Variants in CDHR1 observed in about 807,000 individuals in gnomAD.
CDHR1 encodes the protein cadherin related family member 1, also known as cadherin-related family member 1.
CDHR1 carries 61 observed loss-of-function variants against 72.1 expected under a neutral mutation model. The observed-to-expected ratio is 0.85, with a 90% confidence interval of 0.69 to 1.05. CDHR1 has a LOEUF of 1.05. Among genes scored for constraint, CDHR1 ranks in the 50% least tolerant of loss-of-function variants. The pLI, the probability that CDHR1 is intolerant of heterozygous loss-of-function variation, is 0.00. For synonymous variants in CDHR1, 470 were observed against 448.1 expected, an observed-to-expected ratio of 1.05 and a Z score of -0.62; for missense variants, 1,186 against 1,115.7, an observed-to-expected ratio of 1.06 and a Z score of -0.90.
intron 16 of CDHR1, 92 bp downstream of exon 16, chr10:84,213,440 G>T: frequency 6.5e-7 from 1 of 1,545,434 alleles, no homozygotes; most frequent in East Asian, 2.2e-5. Context: ...CCATCTCCAG[G>T]CTTCCTCCAA....
Position 84,217,190 on chromosome 10 carries a change from G to T in CDHR1, c.*2569G>T, listed in dbSNP as rs1388121062. ...CCAAGTCCCTGTGTTACGAATGGTG[G>T]GCCAAGGGGCTGTCTGCTAGGTCCC... is the stretch of plus-strand genomic sequence containing the variant. On this transcript the variant is annotated 3_prime_UTR_variant, in exon 17 of 17. Transcript: ENST00000623527. The T allele has an allele frequency of 3.0e-6, 3 of 985,384 alleles. No homozygotes were observed. Among genetic ancestry groups the T allele is most frequent in the Admixed American group, 1.2e-4 (2 of 16,266 alleles). 61.0% of individuals were successfully genotyped at this position (985,384 alleles called of 1,614,324 possible).
rs768949250 is a variant in CDHR1 at position 84,204,501 on chromosome 10, GCAGCGGCTGT to G, written c.784-25_784-16del. On this transcript the variant is annotated splice_polypyrimidine_tract_variant and intron_variant, in intron 8 of 16. Transcript: ENST00000623527. Reference sequence around the variant, plus strand: ...GGAGGGTCCCCATATTGCCCATCAGGCAGCGGCTGTTCCTGTTTCCCCGAGGGCTCGGAGG... The same window carrying G: ...GGAGGGTCCCCATATTGCCCATCAGGTCCTGTTTCCCCGAGGGCTCGGAGG... 6.4e-7 allele frequency: 1 copy of G among 1,551,336 alleles called. No individual in the cohort carries two copies. The highest frequency in any genetic ancestry group is 2.2e-5 in the East Asian group (1 of 44,582).
intron 16 of CDHR1, 136 bp downstream of exon 16, chr10:84,213,484 C>G: frequency 8.6e-7 from 1 of 1,156,218 alleles, no homozygotes; most frequent in Non-Finnish European, 1.3e-6. Context: ...CAGCCTGTGC[C>G]ATCAAACACA....
Position 84,214,402 on chromosome 10 carries a change from G to A in CDHR1, c.2361G>A (p.Leu787=), listed in dbSNP as rs1400213497. 1.2e-6 allele frequency: 2 copies of A among 1,613,704 alleles called. No individual in the cohort carries two copies. The highest frequency in any genetic ancestry group is 1.7e-6 in the Non-Finnish European group (2 of 1,180,036). Reference sequence around the variant, plus strand: ...ACAACAACAGCCCAGAAAGCTCTCTGCTCCCGAGAGCTCCGGCTCTCCCTC... The same window carrying A: ...ACAACAACAGCCCAGAAAGCTCTCTACTCCCGAGAGCTCCGGCTCTCCCTC... ...NCNNNSPESS[L]LPRAPALPPP... is the part of the protein sequence containing the mutation. The change falls in exon 17 of 17, where the codon CTG becomes CTA. Residue 787 remains leucine (L), a synonymous_variant. Transcript: ENST00000623527.
intron 8 of CDHR1, among the ~76,000 whole-genome samples, chr10:84,203,421 C>CT (rs376420240): frequency 0.012 from 1,806 of 148,016 alleles, 39 homozygotes; most frequent in African/African-American, 0.041. Flanking sequence ...TTATTCTTGA[C>CT]TTTTTTTTTT....
Position 84,214,580 on chromosome 10 carries a change from A to G in CDHR1, c.2539A>G (p.Lys847Glu). The G allele has an allele frequency of 6.2e-7, 1 of 1,600,104 alleles. No homozygotes were observed. Among genetic ancestry groups the G allele is most frequent in the Non-Finnish European group, 8.5e-7 (1 of 1,179,920 alleles). The change falls in exon 17 of 17, where the codon AAG (lysine) becomes GAG (glutamate). Residue 847 changes from lysine to glutamate, a missense_variant. Physicochemically the swap from Lys to Glu is moderately conservative, Grantham distance 56. Transcript: ENST00000623527. Reference sequence around the variant, plus strand: ...AACTCTGATCTCTGAGCTCAAGCAAAAGTTTGAGAAGAAGAGTGTGCACAA... The same window carrying G: ...AACTCTGATCTCTGAGCTCAAGCAAGAGTTTGAGAAGAAGAGTGTGCACAA... ...QSTLISELKQ[K>E]FEKKSVHNKA...
chr10:84,214,408 G>C lies in CDHR1; in HGVS notation c.2367G>C (p.Pro789=). 1.2e-6 allele frequency: 2 copies of C among 1,613,708 alleles called. No homozygotes were observed. The highest frequency in any genetic ancestry group is 8.5e-7 in the Non-Finnish European group (1 of 1,180,016). The change falls in exon 17 of 17, where the codon CCG becomes CCC. Residue 789 remains proline (P), a synonymous_variant. Coordinates refer to ENST00000623527, the MANE Select transcript of CDHR1 (RefSeq NM_033100.4). ...NNNSPESSLL[P]RAPALPPPPS... ...ACAGCCCAGAAAGCTCTCTGCTCCC[G>C]AGAGCTCCGGCTCTCCCTCCACCAC...
chr10:84,209,453 A>G lies in CDHR1; in HGVS notation c.1320+572A>G, dbSNP rs1014253337. On this transcript the variant is annotated intron_variant, in intron 12 of 16. Coordinates refer to ENST00000623527, the MANE Select transcript of CDHR1 (RefSeq NM_033100.4). Reference sequence around the variant, plus strand: ...AAAAGTGAAATACTATTATAAAAGCAATCCATGAAATTAGGAACAAAGCAT... The same window carrying G: ...AAAAGTGAAATACTATTATAAAAGCGATCCATGAAATTAGGAACAAAGCAT... 2.0e-5 allele frequency among the ~76,000 whole-genome samples: 3 copies of G among 152,206 alleles called. 1 individual carries two copies. The highest frequency in any genetic ancestry group is 2.0e-4 in the Admixed American group (3 of 15,282).
chr10:84,202,870 G>A, intron 7 of CDHR1, 110 bp from the exon 8 acceptor site: 1 of 1,187,922 alleles, frequency 8.4e-7, no homozygotes, highest in South Asian at 1.3e-5. Context: ...ACTTGGAGAG[G>A]ACAGCTGGCC....
chr10:84,203,905 G>T (rs1395022075), intron 8 of CDHR1, among the ~76,000 whole-genome samples: 1 of 152,136 alleles, frequency 6.6e-6, no homozygotes, highest in Non-Finnish European at 1.5e-5. Context: ...CTCAGGGTAG[G>T]CTCCAAGGGA....
Position 84,214,444 on chromosome 10 carries a change from G to T in CDHR1, c.2403G>T (p.Ala801=), listed in dbSNP as rs775599755. 35 of 1,612,394 alleles carry T rather than the reference G, an allele frequency of 2.2e-5. No homozygotes were observed. Among genetic ancestry groups the T allele is most frequent in the Non-Finnish European group, 2.9e-5 (34 of 1,179,938 alleles). Reference sequence around the variant, plus strand: ...CTCTCCCTCCACCACCCAGCGTGGCGCCCAGCACTGGCGCAGCCCAGTGGA... The same window carrying T: ...CTCTCCCTCCACCACCCAGCGTGGCTCCCAGCACTGGCGCAGCCCAGTGGA... ...APALPPPPSV[A]PSTGAAQWTV... is the part of the protein sequence containing the mutation. The change falls in exon 17 of 17, where the codon GCG becomes GCT. Residue 801 remains alanine, a synonymous_variant. Transcript: ENST00000623527.
chr10:84,214,178 G>A lies in CDHR1; in HGVS notation c.2137G>A (p.Val713Met), dbSNP rs1842386737. Reference protein sequence around the residue: ...GVLAGTMATVVAITVLISTAT... With the variant: ...GVLAGTMATVMAITVLISTAT... ...GCTGGCCGGCACCATGGCCACCGTC[G>A]TGGCCATCACTGTCCTCATCTCCAC... The change falls in exon 17 of 17, where the codon GTG becomes ATG. Residue 713 changes from valine (V) to methionine (M), a missense_variant. Transcript: ENST00000623527. The A allele has an allele frequency of 1.2e-6, 2 of 1,614,110 alleles. No homozygotes were observed. Among genetic ancestry groups the A allele is most frequent in the Non-Finnish European group, 1.7e-6 (2 of 1,180,026 alleles).
chr10:84,205,806 AG>A lies in CDHR1; in HGVS notation c.863-18del. 1 of 1,581,588 alleles carries A rather than the reference AG, an allele frequency of 6.3e-7. No individual in the cohort carries two copies. Among genetic ancestry groups the A allele is most frequent in the Non-Finnish European group, 8.7e-7 (1 of 1,151,440 alleles). Reference sequence around the variant, plus strand: ...TCCCTGTGGTCCTGTGCAGAACTTCAGGGTGCATCTCCCTTGACAGGGAACG... The same window carrying A: ...TCCCTGTGGTCCTGTGCAGAACTTCAGGTGCATCTCCCTTGACAGGGAACG... On this transcript the variant is annotated intron_variant, in intron 9 of 16. Transcript: ENST00000623527.
At position 84,216,964 on chromosome 10, in the gene CDHR1, C is replaced by T. The variant is rs1842435399; in HGVS notation, c.*2343C>T. On this transcript the variant is annotated 3_prime_UTR_variant, in exon 17 of 17. Transcript: ENST00000623527. ...TGGAAGCTTGGGCTTGCAAGTGGAT[C>T]CGGGACCGAGGGTGGTCTCTTGGAC... 3 of 985,456 alleles carry T rather than the reference C, an allele frequency of 3.0e-6. No individual in the cohort carries two copies. 61.0% of individuals were successfully genotyped at this position (985,456 alleles called of 1,614,324 possible).
At position 84,216,904 on chromosome 10, in the gene CDHR1, C is replaced by T. The variant is rs189332509; in HGVS notation, c.*2283C>T. 7.2e-5 allele frequency: 71 copies of T among 985,498 alleles called. No homozygotes were observed. The African/African-American group carries it at 1.1e-3, about 15-fold the overall frequency. The allele number at this position is 985,498 out of a possible 1,614,324, so 61.0% of individuals were successfully genotyped here. A position where few individuals can be genotyped will look rare whatever the true frequency, so the allele number is the denominator to read the frequency against. On this transcript the variant is annotated 3_prime_UTR_variant, in exon 17 of 17. Transcript: ENST00000623527. The stretch of plus-strand genomic sequence containing the variant: ...GGCATGAAAGCTTGGGAAGCACTGT[C>T]GTCTCTCAGACAGGCGTCCTAAAGA...
chr10:84,201,755 T>C, intron 6 of CDHR1, 52 bp from the exon 7 acceptor site: 1 of 1,475,972 alleles, frequency 6.8e-7, no homozygotes, highest in Non-Finnish European at 9.4e-7. Flanking sequence ...CGGGCATTCC[T>C]GGGGCTGGCC....
downstream of CDHR1, chr10:84,219,265 C>T (rs1190352080): frequency 1.2e-5 from 18 of 1,550,076 alleles, no homozygotes; most frequent in Non-Finnish European, 1.6e-5. Context: ...AGGGGCAGCC[C>T]AAGCATCTTA....
chr10:84,201,963 C>A, intron 7 of CDHR1, 43 bp downstream of exon 7: 1 of 1,492,964 alleles, frequency 6.7e-7, no homozygotes, highest in Non-Finnish European at 9.2e-7. Flanking sequence ...CTCCTCAGCC[C>A]TTGGGTTGGA....
chr10:84,195,593 AGTAGCCCTGGCACCTGCTCCCGATAG>A lies in CDHR1; in HGVS notation c.151+7_151+32del. ...CTCCCAGAGGACACCCCTGTAGGTG[AGTAGCCCTGGCACCTGCTCCCGATAG>A]GTCTCCCTGAGGGGTGCAGGCAGAC... On this transcript the variant is annotated splice_donor_5th_base_variant and intron_variant, in intron 2 of 16. Transcript: ENST00000623527. 6.2e-7 allele frequency: 1 copy of A among 1,611,974 alleles called. No individual in the cohort carries two copies. Among genetic ancestry groups the A allele is most frequent in the Non-Finnish European group, 8.5e-7 (1 of 1,178,140 alleles).
Sources: allele counts gnomAD v4.1 joint callset (sites outside exome capture counted in the v4.1 genomes callset), GRCh38; gene constraint gnomAD v4.1.1; transcripts MANE v1.5; gene names NCBI Gene and HGNC (gene_info 2026-07-23, HGNC 2026-07-21).